Variants in PLGRKT observed in about 807,000 individuals in gnomAD.
PLGRKT encodes the protein plasminogen receptor (KT).
A neutral mutation model predicts 18.5 loss-of-function variants in PLGRKT; 22 were observed. The ratio of observed to expected loss-of-function variants is 1.19; its 90% CI spans 0.85 to 1.70. The LOEUF is 1.70. PLGRKT is among the 40% of genes most tolerant of loss of function. The pLI is 0.00. For synonymous variants in PLGRKT, 72 were observed against 52.8 expected (o/e 1.36, Z -1.58); for missense variants, 235 against 174.4 (o/e 1.35, Z -1.96).
chr9:5,377,458 T>G (rs1011852489), intron 3 of PLGRKT, among the ~76,000 whole-genome samples: 4 of 152,172 alleles, frequency 2.6e-5, no homozygotes, highest in African/African-American at 7.2e-5. Flanking sequence ...ACTATTCATT[T>G]TTTTCTCCTT....
At chr9:5,359,660 C>G (rs957932740) in intron 5 of PLGRKT, among the ~76,000 whole-genome samples, 2 of 152,076 alleles carry the variant, frequency 1.3e-5, no homozygotes, top group African/African-American at 4.8e-5. Flanking sequence ...TGGAAAAAAA[C>G]TATAATCTAC....
intron 3 of PLGRKT, among the ~76,000 whole-genome samples, chr9:5,411,727 G>A (rs980633700): frequency 6.6e-6 from 1 of 152,098 alleles, no homozygotes; most frequent in Non-Finnish European, 1.5e-5. Context: ...TCCAATTACT[G>A]ACAAGATATT....
intron 3 of PLGRKT, among the ~76,000 whole-genome samples, chr9:5,411,596 C>A (rs1213215563): frequency 6.6e-6 from 1 of 152,058 alleles, no homozygotes; most frequent in Non-Finnish European, 1.5e-5. Context: ...AGCCTGTGAA[C>A]CTGCAAGTGC....
At chr9:5,422,387 T>C (rs1324259502) in intron 3 of PLGRKT, among the ~76,000 whole-genome samples, 7 of 152,132 alleles carry the variant, frequency 4.6e-5, no homozygotes, top group Non-Finnish European at 8.8e-5. Context: ...TACCACTTCA[T>C]AGGAAGAATG....
chr9:5,435,627 A>T (rs1818945809), intron 2 of PLGRKT, among the ~76,000 whole-genome samples: 2 of 152,246 alleles, frequency 1.3e-5, no homozygotes, highest in South Asian at 4.1e-4. Context: ...CAACTCTACA[A>T]GGGACAGAAC....
intron 3 of PLGRKT, among the ~76,000 whole-genome samples, chr9:5,430,926 A>C (rs1430512534): frequency 6.6e-6 from 1 of 152,246 alleles, no homozygotes; most frequent in East Asian, 1.9e-4. Flanking sequence ...TTTTCTATCC[A>C]GCCACGTCTA....
Position 5,358,295 on chromosome 9 carries a change from A to T in PLGRKT, c.388T>A (p.Phe130Ile). The T allele has an allele frequency of 1.2e-6, 2 of 1,608,942 alleles. No homozygotes were observed. The highest frequency in any genetic ancestry group is 1.7e-6 in the Non-Finnish European group (2 of 1,175,538). The change falls in exon 6 of 6, where the codon TTT becomes ATT. Residue 130 changes from phenylalanine to isoleucine, a missense_variant. Physicochemically the swap from Phe to Ile is conservative, Grantham distance 21 (BLOSUM62 0). Coordinates refer to ENST00000223864, the MANE Select transcript of PLGRKT (RefSeq NM_018465.4). ...KLQLPRGMIT[F>I]ESIEKARKEQ... ...TTTCTGGCTTTTTCAATGCTTTCAAAAGTGATCATTCCTCTTGGCAGCTGC... is the reference window on the plus strand; with the variant it reads ...TTTCTGGCTTTTTCAATGCTTTCAATAGTGATCATTCCTCTTGGCAGCTGC...
chr9:5,416,818 C>G (rs966340369), intron 3 of PLGRKT, among the ~76,000 whole-genome samples: 2 of 152,186 alleles, frequency 1.3e-5, no homozygotes, highest in African/African-American at 4.8e-5. Context: ...CTTTCTTTGC[C>G]ATTTATCTAC....
intron 3 of PLGRKT, among the ~76,000 whole-genome samples, chr9:5,405,513 G>T (rs1321680559): frequency 2.0e-5 from 3 of 152,186 alleles, no homozygotes; most frequent in African/African-American, 7.2e-5. Context: ...ATGGGGAAAG[G>T]ACTCCCTATT....
intron 3 of PLGRKT, among the ~76,000 whole-genome samples, chr9:5,422,521 G>T (rs1262978216): frequency 6.6e-6 from 1 of 152,196 alleles, no homozygotes; most frequent in Non-Finnish European, 1.5e-5. Context: ...AGTAGAAAGG[G>T]AGGGATATTC....
chr9:5,382,520 GA>G (rs1487494550), intron 3 of PLGRKT, among the ~76,000 whole-genome samples: 1 of 152,184 alleles, frequency 6.6e-6, no homozygotes, highest in African/African-American at 2.4e-5. Context: ...TGAATTTGAG[GA>G]AATGAAATAA....
chr9:5,414,035 G>A (rs1204989673), intron 3 of PLGRKT, among the ~76,000 whole-genome samples: 1 of 152,170 alleles, frequency 6.6e-6, no homozygotes, highest in Non-Finnish European at 1.5e-5. Context: ...ATGTAGGAAG[G>A]ACAAACCAAA....
intron 5 of PLGRKT, 91 bp downstream of exon 5, chr9:5,360,987 G>T: frequency 1.4e-6 from 1 of 723,094 alleles, no homozygotes. Context: ...AGTCTTGTCA[G>T]AATCTTTATA....
At chr9:5,374,537 A>G (rs982823950) in intron 3 of PLGRKT, among the ~76,000 whole-genome samples, 1 of 152,010 alleles carries the variant, frequency 6.6e-6, no homozygotes, top group African/African-American at 2.4e-5. Context: ...ACTTCTCCAC[A>G]CCTTTTTGCT....
At position 5,395,177 on chromosome 9, in the gene PLGRKT, G is replaced by A. The variant is rs187299767; in HGVS notation, c.82-33289C>T. ...TCAAATAGGTGTAATATATTATTGG[G>A]GTTTTACAATTTTCAAGAGAAGTAT... On this transcript the variant is annotated intron_variant, in intron 3 of 5. Coordinates refer to ENST00000223864, the MANE Select transcript of PLGRKT (RefSeq NM_018465.4). 1.7e-3 allele frequency among the ~76,000 whole-genome samples: 257 copies of A among 151,630 alleles called. 6 individuals are homozygous for A. The highest frequency in any genetic ancestry group is 0.01 in the Middle Eastern group (3 of 288).
chr9:5,363,780 G>A (rs1388975266), intron 3 of PLGRKT, among the ~76,000 whole-genome samples: 3 of 152,144 alleles, frequency 2.0e-5, no homozygotes, highest in African/African-American at 7.2e-5. Flanking sequence ...GAGGAAAGCT[G>A]AATTCAACTA....
rs138833093 is a variant in PLGRKT, at chr9:5,399,822, G to A, written c.81+32075C>T. Among the ~76,000 whole-genome samples, 481 of 151,254 alleles carry A rather than the reference G, an allele frequency of 3.2e-3. 13 individuals are homozygous for A. The highest frequency in any genetic ancestry group is 0.011 in the African/African-American group (437 of 40,916). On this transcript the variant is annotated intron_variant, in intron 3 of 5. Transcript: ENST00000223864. Reference sequence around the variant, plus strand: ...CTGGCCAACATGGCTAAACTACGTCGCTACTAAAAATACCAAAAATTAGCC... The same window carrying A: ...CTGGCCAACATGGCTAAACTACGTCACTACTAAAAATACCAAAAATTAGCC...
rs546582929 is a variant in PLGRKT, at chr9:5,433,581, G to T, written c.-6-1598C>A. Among the ~76,000 whole-genome samples the T allele has an allele frequency of 3.7e-5, 5 of 135,178 alleles. No homozygotes were observed. In the South Asian group the frequency reaches 1.2e-3, roughly 33 times the overall value. The allele number at this position is 135,178 out of a possible 152,430, so 88.7% of individuals were successfully genotyped here. ...GTGCCTCTGCCCGGCTGCCCCGTCT[G>T]GGAAGTGAGGAGCGTCTCTGCCTGA... On this transcript the variant is annotated intron_variant, in intron 2 of 5. Coordinates refer to ENST00000223864, the MANE Select transcript of PLGRKT (RefSeq NM_018465.4).
intron 3 of PLGRKT, among the ~76,000 whole-genome samples, chr9:5,425,630 G>A (rs372406356): frequency 2.8e-4 from 42 of 152,086 alleles, no homozygotes; most frequent in African/African-American, 9.7e-4. Flanking sequence ...CCATTACATT[G>A]CATTACAGTC....
Sources: allele counts gnomAD v4.1 joint callset (sites outside exome capture counted in the v4.1 genomes callset), GRCh38; gene constraint gnomAD v4.1.1; transcripts MANE v1.5; gene names NCBI Gene and HGNC (gene_info 2026-07-23, HGNC 2026-07-21).